The following RASGRF2 variants were observed in gnomAD, a reference collection of about 807,000 sequenced individuals.
The protein encoded by RASGRF2 is ras-specific guanine nucleotide-releasing factor 2.
In RASGRF2, 76 loss-of-function variants were observed where a neutral mutation model predicts 151.0. The observed-to-expected ratio is 0.50, with a 90% CI of 0.42 to 0.61. The LOEUF (loss-of-function observed/expected upper bound fraction) is 0.61, where lower values mean the gene tolerates loss of function less well. Ranked by LOEUF, RASGRF2 falls within the 20% of genes least tolerant of loss-of-function variation. The probability of loss-of-function intolerance (pLI) is 0.00; values close to 1 mark genes in which losing one functional copy is unlikely to be tolerated. For missense variants in RASGRF2, 1,148 were observed against 1,564.6 expected (o/e 0.73, Z 4.49); for synonymous variants, 504 against 566.5 (o/e 0.89, Z 1.57).
chr5:81,060,916 G>T (rs1157371593), intron 2 of RASGRF2, among the ~76,000 whole-genome samples: 1 of 152,056 alleles, frequency 6.6e-6, no homozygotes, highest in East Asian at 1.9e-4. Context: ...TCTCTCATTA[G>T]AGTACCTTTC....
At chr5:81,218,351 A>G (rs1755788988) in intron 25 of RASGRF2, among the ~76,000 whole-genome samples, 1 of 152,112 alleles carries the variant, frequency 6.6e-6, no homozygotes, top group Admixed American at 6.5e-5. Flanking sequence ...TAAGTCTTTA[A>G]TCTATCTTGA....
intron 16 of RASGRF2, 41 bp downstream of exon 16, chr5:81,123,808 A>G: frequency 6.3e-7 from 1 of 1,580,802 alleles, no homozygotes; most frequent in Non-Finnish European, 8.6e-7. Context: ...AACGTGAAAA[A>G]TGATTTCTAG....
At chr5:81,166,862 T>A (rs891613875) in intron 17 of RASGRF2, among the ~76,000 whole-genome samples, 1 of 152,170 alleles carries the variant, frequency 6.6e-6, no homozygotes, top group Non-Finnish European at 1.5e-5. Flanking sequence ...CTAAGCCGAT[T>A]TAAAAATTCC....
chr5:81,179,987 C>T (rs914391352), intron 17 of RASGRF2, among the ~76,000 whole-genome samples, 188 bp from the exon 18 acceptor site: 3 of 152,038 alleles, frequency 2.0e-5, no homozygotes, highest in East Asian at 3.9e-4. Flanking sequence ...TGTAACCGCA[C>T]GAGGGCCTTG....
chr5:81,056,351 G>A (rs1751211016), intron 2 of RASGRF2, among the ~76,000 whole-genome samples: 1 of 152,172 alleles, frequency 6.6e-6, no homozygotes, highest in Non-Finnish European at 1.5e-5. Context: ...TGGTTTCAAA[G>A]AACATCTTTA....
intron 1 of RASGRF2, among the ~76,000 whole-genome samples, chr5:80,967,934 G>C (rs145371027): frequency 6.6e-6 from 1 of 152,242 alleles, no homozygotes; most frequent in Non-Finnish European, 1.5e-5. Flanking sequence ...CTGGTGTTGT[G>C]TATGGTTCAG....
intron 17 of RASGRF2, among the ~76,000 whole-genome samples, chr5:81,172,600 G>A (rs1754683830): frequency 6.6e-6 from 1 of 152,154 alleles, no homozygotes. Context: ...AATCCACTCT[G>A]AGGCATATTT....
chr5:81,194,590 T>C (rs1016702553), intron 18 of RASGRF2, among the ~76,000 whole-genome samples: 2 of 152,230 alleles, frequency 1.3e-5, no homozygotes, highest in Admixed American at 1.3e-4. Context: ...CGGTGGACAG[T>C]GTTTTGCTCC....
intron 8 of RASGRF2, 77 bp downstream of exon 8, chr5:81,085,988 G>A: frequency 1.3e-6 from 2 of 1,572,466 alleles, no homozygotes; most frequent in Non-Finnish European, 1.7e-6. Context: ...TCCTGTATAT[G>A]TTCTAAGGAA....
chr5:80,995,031 T>G (rs1211496133), intron 1 of RASGRF2, among the ~76,000 whole-genome samples: 1 of 151,870 alleles, frequency 6.6e-6, no homozygotes, highest in Non-Finnish European at 1.5e-5. Context: ...CTGAGGTGGA[T>G]GGATCACGAG....
At position 81,229,970 on chromosome 5, in the gene RASGRF2, A is replaced by G. The variant is rs1023822191; in HGVS notation, c.*4200A>G. The G allele has an allele frequency of 6.6e-6, 1 of 152,152 alleles. No individual in the cohort carries two copies. Among genetic ancestry groups the G allele is most frequent in the Non-Finnish European group, 1.5e-5 (1 of 68,030 alleles). The allele number at this position is 152,152 out of a possible 1,614,324, so 9.4% of individuals were successfully genotyped here. ...GTAGAGGATTTCAATGTATTTCTTTATCATTTGAGTGTGTGTGTGATGGAC... is the reference window on the plus strand; with the variant it reads ...GTAGAGGATTTCAATGTATTTCTTTGTCATTTGAGTGTGTGTGTGATGGAC... On this transcript the variant is annotated 3_prime_UTR_variant, in exon 27 of 27. Transcript: ENST00000265080.
intron 12 of RASGRF2, chr5:81,096,200 G>C (rs1752544358): frequency 6.6e-6 from 1 of 152,172 alleles, no homozygotes; most frequent in Admixed American, 6.5e-5. Context: ...TTTTCTGCCT[G>C]ACAAGGAAAT....
At chr5:81,138,303 T>G (rs976746107) in intron 17 of RASGRF2, among the ~76,000 whole-genome samples, 1 of 152,180 alleles carries the variant, frequency 6.6e-6, no homozygotes, top group Non-Finnish European at 1.5e-5. Flanking sequence ...CTTCCCTGGC[T>G]GCTGCATTCC....
At chr5:81,075,315 CAT>C (rs1751904345) in intron 5 of RASGRF2, among the ~76,000 whole-genome samples, 1 of 152,118 alleles carries the variant, frequency 6.6e-6, no homozygotes. Context: ...TGTGTGAAAA[CAT>C]GTTGCAAGGG....
At chr5:81,183,215 G>T in intron 18 of RASGRF2, 1 of 983,152 alleles carries the variant, frequency 1.0e-6, no homozygotes, top group Non-Finnish European at 1.2e-6. Flanking sequence ...CAGAAAAGCT[G>T]TAGATCCACA....
At chr5:81,204,101 G>A (rs956595867) in intron 19 of RASGRF2, 39 of 152,316 alleles carry the variant, frequency 2.6e-4, no homozygotes, top group African/African-American at 9.4e-4. Flanking sequence ...TATTTGGTGT[G>A]TCATTATAAA....
intron 2 of RASGRF2, among the ~76,000 whole-genome samples, 166 bp from the exon 3 acceptor site, chr5:81,067,866 C>T (rs577556946): frequency 3.9e-5 from 6 of 152,178 alleles, no homozygotes; most frequent in South Asian, 2.1e-4. Flanking sequence ...TCTTCATCGT[C>T]GAAGGATACC....
At chr5:81,072,524 C>G (rs1751808475) in intron 4 of RASGRF2, among the ~76,000 whole-genome samples, 1 of 152,124 alleles carries the variant, frequency 6.6e-6, no homozygotes, top group African/African-American at 2.4e-5. Context: ...TACTTTGTTG[C>G]TGAATCTGCC....
At chr5:81,133,467 G>A (rs986219506) in intron 17 of RASGRF2, among the ~76,000 whole-genome samples, 3 of 152,208 alleles carry the variant, frequency 2.0e-5, no homozygotes, top group African/African-American at 7.2e-5. Context: ...GAATCTGCAG[G>A]TGCAGTTTGG....
Sources: gnomAD v4.1 joint callset for allele counts (sites outside exome capture counted in the v4.1 genomes callset) on GRCh38, gnomAD v4.1.1 for gene constraint, MANE v1.5 for transcripts, NCBI Gene and HGNC (gene_info 2026-07-23, HGNC 2026-07-21) for gene names.